PIK3C2B: variants seen among roughly 807,000 people sequenced by gnomAD.
PIK3C2B encodes phosphatidylinositol 4-phosphate 3-kinase C2 domain-containing subunit beta.
A neutral mutation model predicts 184.3 loss-of-function variants in PIK3C2B; 83 were observed. The ratio of observed to expected loss-of-function variants is 0.45; its 90% confidence interval spans 0.38 to 0.54. PIK3C2B has a LOEUF of 0.54. Among genes scored for constraint, PIK3C2B ranks in the 20% least tolerant of loss-of-function variants. The pLI is 0.00. For missense variants in PIK3C2B, 1,736 were observed against 2,113.5 expected (o/e 0.82, Z 3.50); for synonymous variants, 779 against 837.6 (o/e 0.93, Z 1.21).
chr1:204,423,021 C>T lies in PIK3C2B; in HGVS notation c.*1831G>A, dbSNP rs949639140. Reference sequence around the variant, plus strand: ...GGAGGGACAGTTTACAGAATGTCCTCATTTCACTCTTTTCCCAATCATGGG... The same window carrying T: ...GGAGGGACAGTTTACAGAATGTCCTTATTTCACTCTTTTCCCAATCATGGG... On this transcript the variant is annotated 3_prime_UTR_variant, in exon 33 of 33. Transcript: ENST00000684373. 3 of 152,218 alleles carry T rather than the reference C, an allele frequency of 2.0e-5. No individual in the cohort carries two copies. The highest frequency in any genetic ancestry group is 4.8e-5 in the African/African-American group (2 of 41,442). 9.4% of individuals were successfully genotyped at this position (152,218 alleles called of 1,614,324 possible).
rs147353411 is a variant in PIK3C2B at position 204,451,226 on chromosome 1, C to G, written c.2067-1209G>C. On this transcript the variant is annotated intron_variant, in intron 12 of 32. Transcript: ENST00000684373. ...GAGTTAGCTGATCCCTGGACCGCTA[C>G]AGTGGGGCAGAGAATCAGCTGACCC... 4.9e-3 allele frequency among the ~76,000 whole-genome samples: 744 copies of G among 152,376 alleles called. 10 individuals carry two copies. Among genetic ancestry groups the G allele is most frequent in the African/African-American group, 0.017 (721 of 41,592 alleles).
intron 32 of PIK3C2B, 34 bp from the exon 33 acceptor site, chr1:204,425,074 A>G (rs778142147): frequency 6.3e-7 from 1 of 1,576,628 alleles, no homozygotes; most frequent in South Asian, 1.1e-5. Context: ...GGAAGTGGTG[A>G]GAGAAGGAAC....
chr1:204,426,422 A>C (rs1193397581), intron 31 of PIK3C2B, among the ~76,000 whole-genome samples: 3 of 152,226 alleles, frequency 2.0e-5, no homozygotes, highest in African/African-American at 7.2e-5. Context: ...TTGCCTGGGA[A>C]AGTCTGCCCT....
chr1:204,468,579 G>A (rs1315562940), intron 2 of PIK3C2B, among the ~76,000 whole-genome samples: 2 of 152,214 alleles, frequency 1.3e-5, no homozygotes, highest in Non-Finnish European at 2.9e-5. Context: ...CCTTACATCA[G>A]GAAGCAGGCA....
At chr1:204,476,290 G>A (rs1020182986) in intron 1 of PIK3C2B, among the ~76,000 whole-genome samples, 1 of 152,158 alleles carries the variant, frequency 6.6e-6, no homozygotes, top group African/African-American at 2.4e-5. Flanking sequence ...TTGCTCTAGG[G>A]CCAGGCGTGG....
intron 15 of PIK3C2B, 103 bp from the exon 16 acceptor site, chr1:204,446,247 C>T: frequency 4.4e-6 from 3 of 675,144 alleles, no homozygotes; most frequent in Non-Finnish European, 7.0e-6. Flanking sequence ...GGGAGTGCTG[C>T]ACACACTGCA....
chr1:204,434,041 C>G, intron 24 of PIK3C2B, 92 bp from the exon 25 acceptor site: 1 of 1,002,852 alleles, frequency 1.0e-6, no homozygotes, highest in Non-Finnish European at 1.6e-6. Context: ...CCTCATCCCT[C>G]ATCACGTGGA....
At chr1:204,460,210 C>T in intron 7 of PIK3C2B, 114 bp downstream of exon 7, 2 of 851,572 alleles carry the variant, frequency 2.3e-6, no homozygotes, top group Non-Finnish European at 3.8e-6. Flanking sequence ...TGGGCCCCAA[C>T]CCCTGACACC....
chr1:204,441,643 A>C, intron 20 of PIK3C2B, 80 bp from the exon 21 acceptor site: 1 of 838,458 alleles, frequency 1.2e-6, no homozygotes, highest in Non-Finnish European at 1.9e-6. Context: ...CTTCAGACCA[A>C]GATGCTGCCT....
chr1:204,441,439 T>C (rs1675655833), intron 21 of PIK3C2B, 32 bp downstream of exon 21: 1 of 1,467,958 alleles, frequency 6.8e-7, no homozygotes, highest in Non-Finnish European at 9.5e-7. Flanking sequence ...TCTCCCACCC[T>C]GGTCCACCAG....
chr1:204,437,347 T>C (rs1675404116), intron 23 of PIK3C2B, among the ~76,000 whole-genome samples: 1 of 151,950 alleles, frequency 6.6e-6, no homozygotes, highest in Non-Finnish European at 1.5e-5. Context: ...ATATGAAAAT[T>C]CGCTGGGCAT....
chr1:204,454,496 AAAAAG>A, intron 12 of PIK3C2B, 168 bp downstream of exon 12: 5 of 597,882 alleles, frequency 8.4e-6, no homozygotes, highest in South Asian at 8.1e-5. Flanking sequence ...AAAAAAAAAA[AAAAAG>A]AGTCAGGGAA....
chr1:204,451,358 G>A (rs901333018), intron 12 of PIK3C2B, among the ~76,000 whole-genome samples: 2 of 152,206 alleles, frequency 1.3e-5, no homozygotes, highest in Non-Finnish European at 2.9e-5. Context: ...GACTTTATGA[G>A]TGAAACCAGA....
chr1:204,462,249 C>G (rs1436615595), intron 5 of PIK3C2B, among the ~76,000 whole-genome samples: 2 of 152,184 alleles, frequency 1.3e-5, no homozygotes, highest in Admixed American at 1.3e-4. Context: ...ACAGCTCCCA[C>G]TACCTCCGGA....
At chr1:204,461,943 T>G (rs939448821) in intron 5 of PIK3C2B, among the ~76,000 whole-genome samples, 12 of 151,908 alleles carry the variant, frequency 7.9e-5, no homozygotes, top group Non-Finnish European at 1.5e-4. Flanking sequence ...AACTAGCAGA[T>G]TTCTGGAACC....
rs1194702177 is a variant in PIK3C2B at position 204,460,987 on chromosome 1, A to T, written c.1311-326T>A. 2.0e-5 allele frequency among the ~76,000 whole-genome samples: 3 copies of T among 152,190 alleles called. No individual in the cohort carries two copies. The East Asian group carries it at 5.8e-4, about 29-fold the overall frequency. On this transcript the variant is annotated intron_variant, in intron 5 of 32. Coordinates refer to ENST00000684373, the MANE Select transcript of PIK3C2B (RefSeq NM_001377334.1). ...GGAGAGAGCGGGGAAACAGAGGCACATCACAGGGAGCAGTTGCTGAAGCCC... is the reference window on the plus strand; with the variant it reads ...GGAGAGAGCGGGGAAACAGAGGCACTTCACAGGGAGCAGTTGCTGAAGCCC...
intron 1 of PIK3C2B, among the ~76,000 whole-genome samples, chr1:204,479,685 T>C (rs1230994662): frequency 6.6e-6 from 1 of 152,242 alleles, no homozygotes; most frequent in Admixed American, 6.5e-5. Context: ...TTTGCCTCGA[T>C]ACAGCATTTG....
At chr1:204,443,028 G>A (rs937995014) in intron 19 of PIK3C2B, among the ~76,000 whole-genome samples, 9 of 152,184 alleles carry the variant, frequency 5.9e-5, no homozygotes, top group Non-Finnish European at 1.0e-4. Context: ...CAATGTCTTC[G>A]TACAAACAGA....
chr1:204,459,678 C>T (rs1655162053), intron 8 of PIK3C2B, among the ~76,000 whole-genome samples, 200 bp downstream of exon 8: 1 of 152,146 alleles, frequency 6.6e-6, no homozygotes, highest in African/African-American at 2.4e-5. Context: ...GGAGCAGAAT[C>T]CCTGACTACG....
Sources: gnomAD v4.1 joint callset for allele counts (sites outside exome capture counted in the v4.1 genomes callset) on GRCh38, gnomAD v4.1.1 for gene constraint, MANE v1.5 for transcripts, NCBI Gene and HGNC (gene_info 2026-07-23, HGNC 2026-07-21) for gene names.